KIF20B: variants seen among roughly 807,000 people sequenced by gnomAD.
The protein encoded by KIF20B is kinesin-like protein KIF20B.
A neutral mutation model predicts 232.5 loss-of-function variants in KIF20B; 188 were observed. The observed-to-expected ratio is 0.81, with a 90% confidence interval of 0.72 to 0.91. The LOEUF (loss-of-function observed/expected upper bound fraction) is 0.91, where lower values mean the gene tolerates loss of function less well. Ranked by LOEUF, KIF20B falls within the 40% of genes least tolerant of loss-of-function variation. KIF20B has a pLI of 0.00. For missense variants in KIF20B, 2,154 were observed against 2,055.9 expected (o/e 1.05, Z -0.92); for synonymous variants, 712 against 683.0 (o/e 1.04, Z -0.66).
Position 89,774,092 on chromosome 10 carries a change from AT to A in KIF20B, c.*46del. The A allele has an allele frequency of 8.2e-7, 1 of 1,214,930 alleles. No individual in the cohort carries two copies. Among genetic ancestry groups the A allele is most frequent in the African/African-American group, 1.5e-5 (1 of 66,114 alleles). The allele number at this position is 1,214,930 out of a possible 1,614,324, so 75.3% of individuals were successfully genotyped here. Reference sequence around the variant, plus strand: ...TAATATAAATTTTATAGTCATAGTCATTGGAACTTGCATCCTGTATTGTAAA... The same window carrying A: ...TAATATAAATTTTATAGTCATAGTCATGGAACTTGCATCCTGTATTGTAAA... On this transcript the variant is annotated 3_prime_UTR_variant, in exon 33 of 33. Coordinates refer to ENST00000371728, the MANE Select transcript of KIF20B (RefSeq NM_001284259.2).
intron 14 of KIF20B, 115 bp from the exon 15 acceptor site, chr10:89,724,905 G>A: frequency 9.9e-7 from 1 of 1,011,794 alleles, no homozygotes; most frequent in Non-Finnish European, 1.5e-6. Context: ...GTGAACCACT[G>A]TACCTGGACT....
intron 31 of KIF20B, among the ~76,000 whole-genome samples, 156 bp downstream of exon 31, chr10:89,769,044 G>A (rs1842418264): frequency 6.6e-6 from 1 of 151,996 alleles, no homozygotes; most frequent in South Asian, 2.1e-4. Context: ...CATGTAAAAG[G>A]ATGATAGATC....
At chr10:89,759,018 A>G (rs780859982) in intron 27 of KIF20B, 136 bp downstream of exon 27, 17 of 468,494 alleles carry the variant, frequency 3.6e-5, no homozygotes, top group Middle Eastern at 1.2e-3. Context: ...GAAATTTTTC[A>G]TGATTTAGAG....
chr10:89,721,156 A>C (rs1311819349), intron 13 of KIF20B, among the ~76,000 whole-genome samples: 2 of 152,328 alleles, frequency 1.3e-5, no homozygotes, highest in South Asian at 4.1e-4. Context: ...TGGATTGCAG[A>C]AGTATAAGTA....
At position 89,737,801 on chromosome 10, in the gene KIF20B, C is replaced by A; in HGVS notation, c.2960C>A (p.Thr987Lys). The change falls in exon 20 of 33, where the codon ACG becomes AAG. Residue 987 changes from threonine to lysine, a missense_variant. By Grantham distance (78) the Thr-to-Lys change is moderately conservative. Coordinates refer to ENST00000371728, the MANE Select transcript of KIF20B (RefSeq NM_001284259.2). ...GTTTCACAAATAAAATTAATGCACA[C>A]GAAAATAGACGAACTACGTACTCTT... ...NNVSQIKLMH[T>K]KIDELRTLDS... is the part of the protein sequence containing the mutation. 1 of 1,612,828 alleles carries A rather than the reference C, an allele frequency of 6.2e-7. No homozygotes were observed. Among genetic ancestry groups the A allele is most frequent in the Non-Finnish European group, 8.5e-7 (1 of 1,179,330 alleles).
chr10:89,717,799 G>A, intron 11 of KIF20B, 77 bp downstream of exon 11: 2 of 991,154 alleles, frequency 2.0e-6, no homozygotes, highest in Admixed American at 5.2e-5. Context: ...TTTTTAGAAA[G>A]TTCTTTTTTG....
chr10:89,708,019 T>A (rs1842760352), intron 2 of KIF20B, among the ~76,000 whole-genome samples: 2 of 152,202 alleles, frequency 1.3e-5, no homozygotes, highest in Non-Finnish European at 2.9e-5. Context: ...CTTGGTCAGA[T>A]GTATTATCCT....
At chr10:89,715,731 C>T (rs1842922269) in intron 8 of KIF20B, among the ~76,000 whole-genome samples, 1 of 152,198 alleles carries the variant, frequency 6.6e-6, no homozygotes, top group East Asian at 1.9e-4. Context: ...TGGCTCACAC[C>T]TGTAATCCCA....
chr10:89,774,017 A>G lies in KIF20B; in HGVS notation c.5432A>G (p.Lys1811Arg), dbSNP rs756642620. The change falls in exon 33 of 33, where the codon AAA becomes AGA. Residue 1811 changes from lysine to arginine, a missense_variant. Physicochemically the swap from Lys to Arg is conservative, Grantham distance 26. Coordinates refer to ENST00000371728, the MANE Select transcript of KIF20B (RefSeq NM_001284259.2). ...AAGGAGAGTGATCACCAGATTATCA[A>G]ACGACGACTTCGAACAAAAACAGCC... ...KMKESDHQII[K>R]RRLRTKTAK The G allele has an allele frequency of 6.3e-7, 1 of 1,593,432 alleles. No individual in the cohort carries two copies. Among genetic ancestry groups the G allele is most frequent in the Non-Finnish European group, 8.6e-7 (1 of 1,168,722 alleles).
rs778521871 is a variant in KIF20B, at chr10:89,709,178, C to A, written c.159C>A (p.Phe53Leu). ...LVAPNTEANS[F>L]ESKDYLQVCL... ...CTTTATTTTTTAAGGCAAACAGTTT[C>A]GAATCTAAAGATTATCTCCAGGTTT... The change falls in exon 3 of 33, where the codon TTC (phenylalanine) becomes TTA (leucine). Residue 53 changes from phenylalanine (F) to leucine (L), a missense_variant. Transcript: ENST00000371728. 1.9e-6 allele frequency: 3 copies of A among 1,604,414 alleles called. No homozygotes were observed. In the African/African-American group the frequency reaches 4.0e-5, roughly 21 times the overall value.
At chr10:89,747,742 G>A (rs1034659284) in intron 23 of KIF20B, among the ~76,000 whole-genome samples, 2 of 151,986 alleles carry the variant, frequency 1.3e-5, no homozygotes, top group Admixed American at 1.3e-4. Flanking sequence ...GTTATGGGGT[G>A]GGGGGAGTGG....
chr10:89,750,048 G>A (rs1564671286), intron 23 of KIF20B, among the ~76,000 whole-genome samples: 1 of 152,036 alleles, frequency 6.6e-6, no homozygotes, highest in Admixed American at 6.5e-5. Flanking sequence ...TATCATTTTG[G>A]TGTGTATTTT....
At position 89,731,311 on chromosome 10, in the gene KIF20B, T is replaced by TA. The variant is rs946049995; in HGVS notation, c.2392-1585dup. ...TTAGCAATATTTAAGGAAGTGATAG[T>TA]AAAAAAATCAATATTTGTAAATTAG... is the stretch of plus-strand genomic sequence containing the variant. On this transcript the variant is annotated intron_variant, in intron 18 of 32. Transcript: ENST00000371728. 2.2e-3 allele frequency among the ~76,000 whole-genome samples: 341 copies of TA among 152,256 alleles called. 5 individuals are homozygous for TA. The highest frequency in any genetic ancestry group is 8.4e-4 in the Non-Finnish European group (57 of 68,004).
intron 16 of KIF20B, among the ~76,000 whole-genome samples, chr10:89,726,869 C>T (rs780359567): frequency 2.0e-5 from 3 of 151,880 alleles, no homozygotes; most frequent in Non-Finnish European, 1.5e-5. Context: ...TCAGTAGTGG[C>T]ATCACAGCTC....
chr10:89,751,038 A>G (rs1398829683), intron 23 of KIF20B, among the ~76,000 whole-genome samples: 1 of 150,110 alleles, frequency 6.7e-6, no homozygotes, highest in East Asian at 2.0e-4. Flanking sequence ...AGTAATAGTT[A>G]GTTGTATCGG....
At chr10:89,754,799 T>C in intron 26 of KIF20B, 126 bp downstream of exon 26, 1 of 596,384 alleles carries the variant, frequency 1.7e-6, no homozygotes. Context: ...TTGTCATCTT[T>C]ATAAGATAAC....
intron 29 of KIF20B, 145 bp downstream of exon 29, chr10:89,762,980 C>A: frequency 1.6e-6 from 1 of 631,606 alleles, no homozygotes; most frequent in Non-Finnish European, 2.7e-6. Flanking sequence ...TATTTTATAC[C>A]CTTTAAGGAT....
In KIF20B at chr10:89,717,341, A is replaced by G. The variant is rs576724456; in HGVS notation, c.1053-83A>G. 26 of 835,290 alleles carry G rather than the reference A, an allele frequency of 3.1e-5. No individual in the cohort carries two copies. In the African/African-American group the frequency reaches 3.6e-4, roughly 12 times the overall value. The allele number at this position is 835,290 out of a possible 1,614,324, so 51.7% of individuals were successfully genotyped here. ...ACTGTAGTTATACTAGGGTATAAAT[A>G]AGATTGATTTGAATACTTGTCTCTC... On this transcript the variant is annotated intron_variant, in intron 9 of 32. Transcript: ENST00000371728.
intron 26 of KIF20B, among the ~76,000 whole-genome samples, chr10:89,758,223 A>G (rs1842170914): frequency 6.6e-6 from 1 of 152,034 alleles, no homozygotes; most frequent in Non-Finnish European, 1.5e-5. Flanking sequence ...TGATCCTTCA[A>G]CACAGACCAA....
Sources: gnomAD v4.1 joint callset for allele counts (sites outside exome capture counted in the v4.1 genomes callset) on GRCh38, gnomAD v4.1.1 for gene constraint, MANE v1.5 for transcripts, NCBI Gene and HGNC (gene_info 2026-07-23, HGNC 2026-07-21) for gene names.